ANKRD13D: variants seen among roughly 807,000 people sequenced by gnomAD.
The protein encoded by ANKRD13D is ankyrin repeat domain-containing protein 13D.
ANKRD13D carries 24 observed loss-of-function variants against 68.8 expected under a neutral mutation model. The observed-to-expected ratio is 0.35, with a 90% CI of 0.25 to 0.49. The LOEUF is 0.49. Ranked by LOEUF, ANKRD13D falls within the 20% of genes least tolerant of loss-of-function variation. The pLI is 0.99. For missense variants in ANKRD13D, 735 were observed against 832.1 expected (o/e 0.88, Z 1.44); for synonymous variants, 331 against 336.1 (o/e 0.98, Z 0.16).
Position 67,300,757 on chromosome 11 carries a change from A to G in ANKRD13D, c.1074-233A>G. 1.7e-6 allele frequency: 1 copy of G among 590,598 alleles called. No homozygotes were observed. The highest frequency in any genetic ancestry group is 2.1e-5 in the South Asian group (1 of 47,504). The allele number at this position is 590,598 out of a possible 1,614,324, so 36.6% of individuals were successfully genotyped here. On this transcript the variant is annotated intron_variant, in intron 10 of 14. Coordinates refer to ENST00000511455, the MANE Select transcript of ANKRD13D (RefSeq NM_207354.3). The surrounding 1 kb of genome is among the most constrained non-coding windows in gnomAD (Gnocchi z 4.3). ...CTGGCCTCCTTGTCCAGACCAGATGAGCTGGTACGAAATCCTCAGGAGCCC... is the reference window on the plus strand; with the variant it reads ...CTGGCCTCCTTGTCCAGACCAGATGGGCTGGTACGAAATCCTCAGGAGCCC...
At chr11:67,298,330 G>T (rs1860844269) in intron 6 of ANKRD13D, 1 of 152,220 alleles carries the variant, frequency 6.6e-6, no homozygotes. Flanking sequence ...CCAAACTGCT[G>T]GGATTACAGG....
chr11:67,300,383 T>A lies in ANKRD13D; in HGVS notation c.1073+260T>A. On this transcript the variant is annotated intron_variant, in intron 10 of 14. Transcript: ENST00000511455. The surrounding 1 kb of genome is among the most constrained non-coding windows in gnomAD (Gnocchi z 4.3). ...TTTTCTATTGAATTTCATGAGTACC[T>A]GCTGGGGCCAGCGTGGCACAGTGGG... 4.1e-6 allele frequency: 2 copies of A among 491,268 alleles called. No individual in the cohort carries two copies. Among genetic ancestry groups the A allele is most frequent in the Non-Finnish European group, 7.2e-6 (2 of 278,616 alleles). The allele number at this position is 491,268 out of a possible 1,614,324, so 30.4% of individuals were successfully genotyped here.
In ANKRD13D at chr11:67,290,117, C is replaced by G. The variant is rs1040676438; in HGVS notation, c.130C>G (p.Leu44Val). The G allele has an allele frequency of 1.3e-6, 2 of 1,537,168 alleles. No individual in the cohort carries two copies. The highest frequency in any genetic ancestry group is 3.9e-5 in the Admixed American group (2 of 51,000). Residue 44 changes from leucine (L) to valine (V), a missense_variant, in exon 2 of 15, where the codon CTG becomes GTG. Leu to Val is a conservative substitution (Grantham distance 32). Transcript: ENST00000511455. ...GGAGGACCCCCGCGGGCGGACCCCA[C>G]TGGAGCTGGCCGTGTCTCTGGGAAA... ...EQEDPRGRTP[L>V]ELAVSLGNLE... is the part of the protein sequence containing the mutation.
At chr11:67,294,895 A>C (rs1251863360) in intron 6 of ANKRD13D, among the ~76,000 whole-genome samples, 1 of 152,206 alleles carries the variant, frequency 6.6e-6, no homozygotes, top group Non-Finnish European at 1.5e-5. Flanking sequence ...CAAATGTATA[A>C]AATTACAATT....
In ANKRD13D at chr11:67,299,421, C is replaced by A. The variant is rs1456057194; in HGVS notation, c.799-109C>A. The A allele has an allele frequency of 4.1e-6, 4 of 969,020 alleles. No homozygotes were observed. Among genetic ancestry groups the A allele is most frequent in the Non-Finnish European group, 3.1e-6 (2 of 646,692 alleles). 60.0% of individuals were successfully genotyped at this position (969,020 alleles called of 1,614,324 possible). A position where few individuals can be genotyped will look rare whatever the true frequency, so the allele number is the denominator to read the frequency against. ...CTGCCACCTCCTCCATTTTGGGGAG[C>A]AAGATCTCATCTGTCTCTGGGACAG... On this transcript the variant is annotated intron_variant, in intron 7 of 14. Transcript: ENST00000511455. The surrounding 1 kb of genome is among the most constrained non-coding windows in gnomAD (Gnocchi z 6.2).
rs1860919524 is a variant in ANKRD13D at position 67,300,087 on chromosome 11, T to C, written c.1037T>C (p.Ile346Thr). 3 of 1,614,032 alleles carry C rather than the reference T, an allele frequency of 1.9e-6. No individual in the cohort carries two copies. Among genetic ancestry groups the C allele is most frequent in the East Asian group, 2.2e-5 (1 of 44,878 alleles). The change falls in exon 10 of 15, where the codon ATT (isoleucine) becomes ACT (threonine). Residue 346 changes from isoleucine (I) to threonine (T), a missense_variant. By Grantham distance (89) the Ile-to-Thr change is moderately conservative (BLOSUM62 -1). Coordinates refer to ENST00000511455, the MANE Select transcript of ANKRD13D (RefSeq NM_207354.3). This position sits in a 1 kb window ranked among gnomAD's most constrained non-coding sequence, Gnocchi z 4.3. ...DPNFSLESRN[I>T]GRPIEMSSKV... ...AACTTCAGCCTGGAGTCACGGAACA[T>C]TGGCCGCCCCATCGAGATGTCCAGC...
chr11:67,294,823 T>C (rs1042773669), intron 6 of ANKRD13D, among the ~76,000 whole-genome samples: 2 of 152,220 alleles, frequency 1.3e-5, no homozygotes, highest in Non-Finnish European at 2.9e-5. Context: ...AAGGGTTTTA[T>C]TCTTTTTGAT....
intron 3 of ANKRD13D, 35 bp downstream of exon 3, chr11:67,290,481 A>G (rs2136518179): frequency 2.0e-6 from 3 of 1,535,778 alleles, no homozygotes; most frequent in Non-Finnish European, 2.6e-6. Context: ...GTGGGGTACC[A>G]TGGCAGGGCA....
Position 67,302,374 on chromosome 11 carries a change from C to A in ANKRD13D, c.*42C>A. ...GGCTGGCCAGGCCACTCCCTGCCCG[C>A]TTTTGTAATTTATTTATTTATAAAC... is the stretch of plus-strand genomic sequence containing the variant. On this transcript the variant is annotated 3_prime_UTR_variant, in exon 15 of 15. Transcript: ENST00000511455. The A allele has an allele frequency of 6.9e-7, 1 of 1,447,896 alleles. No homozygotes were observed. Among genetic ancestry groups the A allele is most frequent in the African/African-American group, 1.4e-5 (1 of 69,784 alleles). The allele number at this position is 1,447,896 out of a possible 1,614,324, so 89.7% of individuals were successfully genotyped here.
intron 1 of ANKRD13D, 92 bp downstream of exon 1, chr11:67,289,642 G>T (rs1348631754): frequency 4.1e-6 from 4 of 969,210 alleles, no homozygotes; most frequent in African/African-American, 8.7e-5. Context: ...CCCCCCGCCC[G>T]CTCAGCTCCG....
intron 6 of ANKRD13D, among the ~76,000 whole-genome samples, chr11:67,297,539 T>C (rs1860803250): frequency 6.7e-6 from 1 of 149,820 alleles, no homozygotes; most frequent in African/African-American, 2.5e-5. Context: ...TTTTTTTTTT[T>C]TTCTGAGAGG....
chr11:67,292,028 G>A lies in ANKRD13D; in HGVS notation c.579G>A (p.Arg193=), dbSNP rs35965170. The change falls in exon 6 of 15, where the codon CGG becomes CGA. Residue 193 remains arginine, a synonymous_variant. Coordinates refer to ENST00000511455, the MANE Select transcript of ANKRD13D (RefSeq NM_207354.3). ...TGGTGATGGAAGTGGACCATGACCG[G>A]CAGGTGGTGCATGTGGAGACACTGG... ...GALVMEVDHD[R]QVVHVETLGL... is the part of the protein sequence containing the mutation. The A allele has an allele frequency of 2.5e-6, 4 of 1,592,886 alleles. No individual in the cohort carries two copies. In the African/African-American group the frequency reaches 5.4e-5, roughly 21 times the overall value.
chr11:67,301,822 C>A lies in ANKRD13D; in HGVS notation c.1603C>A (p.Arg535=). The A allele has an allele frequency of 2.5e-6, 4 of 1,591,612 alleles. No homozygotes were observed. Among genetic ancestry groups the A allele is most frequent in the Non-Finnish European group, 3.4e-6 (4 of 1,169,624 alleles). ...TVYEEQLQLE[R]ALQESLQLST... ...TTATGAGGAACAGCTTCAGCTGGAG[C>A]GGTGAGCCCCTCATGGGGCTGGCTG... Residue 535 remains arginine, a splice_region_variant and synonymous_variant, in exon 14 of 15, where the codon CGG becomes AGG. Coordinates refer to ENST00000511455, the MANE Select transcript of ANKRD13D (RefSeq NM_207354.3). The surrounding 1 kb of genome is among the most constrained non-coding windows in gnomAD (Gnocchi z 4.5).
At position 67,302,168 on chromosome 11, in the gene ANKRD13D, T is replaced by C. The variant is rs1343377219; in HGVS notation, c.1654T>C (p.Ser552Pro). Residue 552 changes from serine to proline, a missense_variant, in exon 15 of 15, where the codon TCC becomes CCC. Coordinates refer to ENST00000511455, the MANE Select transcript of ANKRD13D (RefSeq NM_207354.3). ...GTCCACAGAGCCCAGGGGCCCAGGA[T>C]CCCCTCCCAGGACACCCCCAGCCCC... is the stretch of plus-strand genomic sequence containing the variant. ...QLSTEPRGPGSPPRTPPAPGP... is the reference protein window; with the variant it reads ...QLSTEPRGPGPPPRTPPAPGP... 2 of 1,597,106 alleles carry C rather than the reference T, an allele frequency of 1.3e-6. No homozygotes were observed. Among genetic ancestry groups the C allele is most frequent in the Non-Finnish European group, 1.7e-6 (2 of 1,172,898 alleles).
At chr11:67,289,837 A>C in intron 1 of ANKRD13D, 1 of 1,424,116 alleles carries the variant, frequency 7.0e-7, no homozygotes, top group Non-Finnish European at 9.1e-7. Flanking sequence ...AGGTTCCGCC[A>C]AACTCCTGAC....
Position 67,299,069 on chromosome 11 carries a change from G to T in ANKRD13D, c.743G>T (p.Gly248Val). The T allele has an allele frequency of 6.2e-7, 1 of 1,610,252 alleles. No individual in the cohort carries two copies. Among genetic ancestry groups the T allele is most frequent in the Non-Finnish European group, 8.5e-7 (1 of 1,177,794 alleles). The change falls in exon 7 of 15, where the codon GGT becomes GTT. Residue 248 changes from glycine (G) to valine (V), a missense_variant. Coordinates refer to ENST00000511455, the MANE Select transcript of ANKRD13D (RefSeq NM_207354.3). The surrounding 1 kb of genome is among the most constrained non-coding windows in gnomAD (Gnocchi z 6.2). ...TTGGTCTGTTTCAGGAACAAATGTG[G>T]TATCTGGGGCTGGCGGTCTGAGAAG... The part of the protein sequence containing the change: ...RNVAFERNKC[G>V]IWGWRSEKME...
In ANKRD13D at chr11:67,299,270, T is replaced by C; in HGVS notation, c.798+146T>C. ...TCAGCGGGCCTGAGTGCCCAGCCCC[T>C]GCGGAGTACACAGGGCTCACCCACA... On this transcript the variant is annotated intron_variant, in intron 7 of 14. Transcript: ENST00000511455. This position sits in a 1 kb window ranked among gnomAD's most constrained non-coding sequence, Gnocchi z 6.2. 1 of 982,920 alleles carries C rather than the reference T, an allele frequency of 1.0e-6. No homozygotes were observed. Among genetic ancestry groups the C allele is most frequent in the Non-Finnish European group, 1.5e-6 (1 of 647,024 alleles). The allele number at this position is 982,920 out of a possible 1,614,324, so 60.9% of individuals were successfully genotyped here.
chr11:67,298,841 C>A, intron 6 of ANKRD13D: 1 of 583,440 alleles, frequency 1.7e-6, no homozygotes, highest in East Asian at 2.8e-5. Flanking sequence ...TCACAAGATT[C>A]ATGCTAATTC....
Position 67,289,419 on chromosome 11 carries a change from C to G in ANKRD13D, c.-42C>G. ...GGGAGGCTAGGGGGCCGTGCCAGGCCCGAAGCCGAGGCGGGGCCGGGATGC... is the reference window on the plus strand; with the variant it reads ...GGGAGGCTAGGGGGCCGTGCCAGGCGCGAAGCCGAGGCGGGGCCGGGATGC... On this transcript the variant is annotated 5_prime_UTR_variant, in exon 1 of 15. Transcript: ENST00000511455. 1.4e-6 allele frequency: 2 copies of G among 1,396,922 alleles called. No homozygotes were observed. The highest frequency in any genetic ancestry group is 1.9e-6 in the Non-Finnish European group (2 of 1,079,814). 86.5% of individuals were successfully genotyped at this position (1,396,922 alleles called of 1,614,324 possible). A position where few individuals can be genotyped will look rare whatever the true frequency, so the allele number is the denominator to read the frequency against.
Sources: gnomAD v4.1 joint callset for allele counts (sites outside exome capture counted in the v4.1 genomes callset) on GRCh38, gnomAD v4.1.1 for gene constraint, Gnocchi (gnomAD v3.1) non-coding constraint, MANE v1.5 for transcripts, NCBI Gene and HGNC (gene_info 2026-07-23, HGNC 2026-07-21) for gene names.